ZDHHC11: variants seen among roughly 807,000 people sequenced by gnomAD.
The protein encoded by ZDHHC11 is palmitoyltransferase ZDHHC11.
In ZDHHC11, 44 loss-of-function variants were observed where a neutral mutation model predicts 51.3. The observed-to-expected ratio is 0.86, with a 90% CI of 0.67 to 1.10. ZDHHC11 has a LOEUF of 1.10. ZDHHC11 is among the 50% of genes least tolerant of loss of function. ZDHHC11 has a pLI of 0.00. For synonymous variants in ZDHHC11, 163 were observed against 222.0 expected (o/e 0.73, Z 2.36); for missense variants, 400 against 537.7 (o/e 0.74, Z 2.53).
chr5:853,457 A>G (rs1046331369), upstream of ZDHHC11, among the ~76,000 whole-genome samples: 12 of 138,060 alleles, frequency 8.7e-5, no homozygotes, highest in Non-Finnish European at 1.5e-4. Context: ...GGGGGCACAG[A>G]CCCCACAGAG....
At chr5:815,866 C>A (rs779549491) in intron 10 of ZDHHC11, among the ~76,000 whole-genome samples, 1 of 151,574 alleles carries the variant, frequency 6.6e-6, no homozygotes, top group Non-Finnish European at 1.5e-5. Context: ...TCCTTGGACT[C>A]CCAAAGTGCT....
rs1189800662 is a variant in ZDHHC11 at position 831,372 on chromosome 5, T to C, written c.935+2401A>G. On this transcript the variant is annotated intron_variant, in intron 7 of 12. Coordinates refer to ENST00000283441, the MANE Select transcript of ZDHHC11 (RefSeq NM_024786.3). Reference sequence around the variant, plus strand: ...GCTGGGGCAGGCAGATCACTTGAAGTCAAGAGTTCAAGACCAGCCTGGCTA... The same window carrying C: ...GCTGGGGCAGGCAGATCACTTGAAGCCAAGAGTTCAAGACCAGCCTGGCTA... Among the ~76,000 whole-genome samples the C allele has an allele frequency of 1.3e-5, 2 of 149,326 alleles. 1 individual carries two copies. Among genetic ancestry groups the C allele is most frequent in the East Asian group, 3.9e-4 (2 of 5,074 alleles).
intron 1 of ZDHHC11, among the ~76,000 whole-genome samples, chr5:856,198 ACAC>A (rs1748212701): frequency 6.6e-6 from 1 of 151,826 alleles, no homozygotes; most frequent in Non-Finnish European, 1.5e-5. Flanking sequence ...CACACACCAC[ACAC>A]CACACAACAC....
rs181204061 is a variant in ZDHHC11, at chr5:795,624, A to C, written c.*964T>G. 6.5e-6 allele frequency: 1 copy of C among 152,728 alleles called. No homozygotes were observed. Among genetic ancestry groups the C allele is most frequent in the Non-Finnish European group, 1.5e-5 (1 of 67,852 alleles). The allele number at this position is 152,728 out of a possible 1,614,324, so 9.5% of individuals were successfully genotyped here. A position where few individuals can be genotyped will look rare whatever the true frequency, so the allele number is the denominator to read the frequency against. On this transcript the variant is annotated 3_prime_UTR_variant, in exon 13 of 13. Coordinates refer to ENST00000283441, the MANE Select transcript of ZDHHC11 (RefSeq NM_024786.3). The stretch of plus-strand genomic sequence containing the variant: ...GCCCAATGCACGTAGTAACTTATAG[A>C]TATATTTGGAAAACTGATTATCTTT...
At chr5:860,164 C>T (rs1014693775), upstream of ZDHHC11, among the ~76,000 whole-genome samples, 3 of 152,102 alleles carry the variant, frequency 2.0e-5, no homozygotes, top group Admixed American at 6.5e-5. This position sits in a 1 kb window ranked among gnomAD's most constrained non-coding sequence, Gnocchi z 4.2. Context: ...GTGCCCAGGA[C>T]GACATGGGGG....
chr5:808,287 T>A (rs1165118311), intron 11 of ZDHHC11, among the ~76,000 whole-genome samples: 1 of 152,032 alleles, frequency 6.6e-6, no homozygotes, highest in African/African-American at 2.4e-5. Context: ...CTTAGACCCT[T>A]TGCTGGCTGT....
At chr5:808,168 A>C (rs998472865) in intron 11 of ZDHHC11, among the ~76,000 whole-genome samples, 8 of 150,114 alleles carry the variant, frequency 5.3e-5, no homozygotes, top group Non-Finnish European at 1.0e-4. Flanking sequence ...AAAACTGAGC[A>C]CTGCAGCCCC....
chr5:800,718 C>T lies in ZDHHC11; in HGVS notation c.*7+382G>A, dbSNP rs190752316. Among the ~76,000 whole-genome samples, 253 of 151,306 alleles carry T rather than the reference C, an allele frequency of 1.7e-3. 4 individuals carry two copies. The highest frequency in any genetic ancestry group is 5.7e-3 in the African/African-American group (234 of 41,276). Reference sequence around the variant, plus strand: ...TTTAAGCAGAAAGCAGGGATAGGTACGGTCAGAGGCATCTAATCAGAGACC... The same window carrying T: ...TTTAAGCAGAAAGCAGGGATAGGTATGGTCAGAGGCATCTAATCAGAGACC... On this transcript the variant is annotated intron_variant, in intron 12 of 12. Transcript: ENST00000283441.
intron 1 of ZDHHC11, among the ~76,000 whole-genome samples, chr5:856,892 A>C (rs1232522134): frequency 6.7e-6 from 1 of 149,366 alleles, no homozygotes; most frequent in Non-Finnish European, 1.5e-5. Context: ...AATACCACAC[A>C]TACACCAAAC....
Position 814,815 on chromosome 5 carries a change from A to C in ZDHHC11, c.1147-20T>G. On this transcript the variant is annotated intron_variant, in intron 10 of 12. Coordinates refer to ENST00000283441, the MANE Select transcript of ZDHHC11 (RefSeq NM_024786.3). ...TGCTTCCTGTGGGGGGAAGGGATGC[A>C]AAATTCATAGGATGAACAAAGACCT... 4.6e-6 allele frequency: 7 copies of C among 1,532,184 alleles called. 1 individual carries two copies. The highest frequency in any genetic ancestry group is 6.1e-6 in the Non-Finnish European group (7 of 1,140,144). The allele number at this position is 1,532,184 out of a possible 1,614,324, so 94.9% of individuals were successfully genotyped here. A position where few individuals can be genotyped will look rare whatever the true frequency, so the allele number is the denominator to read the frequency against.
At chr5:859,209 T>C (rs1435376162), upstream of ZDHHC11, among the ~76,000 whole-genome samples, 1 of 152,096 alleles carries the variant, frequency 6.6e-6, no homozygotes. Flanking sequence ...GGCCCCTGCT[T>C]GGATGGGCCC....
At chr5:807,551 T>C (rs1337716792) in intron 11 of ZDHHC11, among the ~76,000 whole-genome samples, 1 of 151,404 alleles carries the variant, frequency 6.6e-6, no homozygotes, top group African/African-American at 2.4e-5. Flanking sequence ...CCACCCAGGA[T>C]TGGGATTCGT....
intron 12 of ZDHHC11, among the ~76,000 whole-genome samples, chr5:799,766 G>A (rs1490418527): frequency 5.3e-5 from 8 of 151,622 alleles, no homozygotes; most frequent in Admixed American, 5.3e-4. Context: ...ATACCACTGA[G>A]ACAATTTTTT....
intron 10 of ZDHHC11, chr5:816,399 G>A (rs1462642873): frequency 7.2e-6 from 3 of 416,470 alleles, no homozygotes; most frequent in Admixed American, 2.8e-5. Context: ...GGCGGTGGTG[G>A]GGTTGGCGGG....
intron 10 of ZDHHC11, among the ~76,000 whole-genome samples, chr5:817,371 T>C (rs1028193688): frequency 1.3e-5 from 2 of 151,600 alleles, no homozygotes; most frequent in Admixed American, 6.6e-5. Flanking sequence ...TCAATTCATA[T>C]TTCCATATGT....
rs748314883 is a variant in ZDHHC11, at chr5:822,127, A to T, written c.1024-232T>A. The stretch of plus-strand genomic sequence containing the variant: ...CAAATTCATAGGTTGACATCCTGAC[A>T]CCCAGTACCTCAGAATGTGACTATA... On this transcript the variant is annotated intron_variant, in intron 8 of 12. Transcript: ENST00000283441. 4.5e-4 allele frequency among the ~76,000 whole-genome samples: 68 copies of T among 151,446 alleles called. 4 individuals carry two copies. The highest frequency in any genetic ancestry group is 1.5e-3 in the East Asian group (8 of 5,182).
At chr5:841,804 G>T in intron 4 of ZDHHC11, 2 of 995,740 alleles carry the variant, frequency 2.0e-6, no homozygotes, top group Non-Finnish European at 1.2e-6. Context: ...AATGGCAGAG[G>T]GTGGGGCAAG....
chr5:851,323 G>A (rs373051923), upstream of ZDHHC11, among the ~76,000 whole-genome samples: 113 of 152,112 alleles, frequency 7.4e-4, 4 homozygotes, highest in East Asian at 0.021. Context: ...GGCTGCTCCT[G>A]GCCAGTCAGG....
intron 5 of ZDHHC11, among the ~76,000 whole-genome samples, chr5:837,982 C>CG (rs1319773266): frequency 6.6e-6 from 1 of 151,940 alleles, no homozygotes; most frequent in African/African-American, 2.4e-5. Context: ...ACCCCACAGT[C>CG]GGAGGACCAC....
Sources: gnomAD v4.1 joint callset for allele counts (sites outside exome capture counted in the v4.1 genomes callset) on GRCh38, gnomAD v4.1.1 for gene constraint, Gnocchi (gnomAD v3.1) non-coding constraint, MANE v1.5 for transcripts, NCBI Gene and HGNC (gene_info 2026-07-23, HGNC 2026-07-21) for gene names.